The following TUSC3 variants were observed in gnomAD, a reference collection of about 807,000 sequenced individuals.
TUSC3 encodes dolichyl-diphosphooligosaccharide--protein glycosyltransferase subunit TUSC3.
Under a neutral mutation model 44.8 loss-of-function variants are expected in TUSC3, and 45 were observed. The ratio of observed to expected loss-of-function variants is 1.00; its 90% confidence interval spans 0.79 to 1.29. TUSC3 has a LOEUF of 1.29. Among genes scored for constraint, TUSC3 ranks in the 50% most tolerant of loss-of-function variants. TUSC3 has a pLI of 0.00. For missense variants in TUSC3, 519 were observed against 437.9 expected (o/e 1.19, Z -1.65); for synonymous variants, 212 against 152.9 (o/e 1.39, Z -2.85).
the TUSC3 span, among the ~76,000 whole-genome samples, chr8:15,850,337 C>A: frequency 6.6e-6 from 1 of 152,072 alleles, no homozygotes; most frequent in Non-Finnish European, 1.5e-5. Flanking sequence ...TAAATCTTCC[C>A]ATTTTAGGTT....
At chr8:15,541,663 C>T (rs376752462) in intron 1 of TUSC3, among the ~76,000 whole-genome samples, 9 of 152,140 alleles carry the variant, frequency 5.9e-5, no homozygotes, top group African/African-American at 2.2e-4. Context: ...GAAAGTAGGT[C>T]ATATGAAATT....
At chr8:15,681,595 T>C (rs1808434023) in intron 6 of TUSC3, among the ~76,000 whole-genome samples, 1 of 151,484 alleles carries the variant, frequency 6.6e-6, no homozygotes, top group South Asian at 2.1e-4. Context: ...AGTCTTTCGA[T>C]CTTGTTTATC....
chr8:15,693,441 CT>C (rs35915071), intron 6 of TUSC3, among the ~76,000 whole-genome samples: 11,312 of 96,634 alleles, frequency 0.12, 635 homozygotes, highest in East Asian at 0.22. Flanking sequence ...GTTGGAAGTT[CT>C]TTTTTTTTTT....
At chr8:15,599,382 T>C (rs888453074) in intron 1 of TUSC3, among the ~76,000 whole-genome samples, 4 of 151,786 alleles carry the variant, frequency 2.6e-5, no homozygotes, top group Admixed American at 2.6e-4. Flanking sequence ...GTGAGTCGTC[T>C]TCTTATTTCG....
At chr8:15,843,621 T>TATATATATATATATATATATATATACAC in the TUSC3 span, among the ~76,000 whole-genome samples, 7 of 146,766 alleles carry the variant, frequency 4.8e-5, no homozygotes, top group African/African-American at 1.8e-4. Context: ...TATATATATA[T>TATATATATATATATATATATATATACAC]ACACGCACAT....
At chr8:15,826,147 A>G in the TUSC3 span, among the ~76,000 whole-genome samples, 584 of 152,206 alleles carry the variant, frequency 3.8e-3, 4 homozygotes, top group African/African-American at 0.013. Flanking sequence ...TAGTTTAAAT[A>G]TAGAGTTCAT....
chr8:15,722,824 G>C (rs1244246980), intron 6 of TUSC3, among the ~76,000 whole-genome samples: 2 of 127,370 alleles, frequency 1.6e-5, no homozygotes, highest in African/African-American at 2.8e-5. Flanking sequence ...TAAAAAAACT[G>C]TTTAAATAAA....
chr8:15,536,381 C>T (rs957220916), upstream of TUSC3, among the ~76,000 whole-genome samples: 14 of 151,810 alleles, frequency 9.2e-5, no homozygotes, highest in Non-Finnish European at 1.8e-4. Context: ...GACACTTTAC[C>T]AAGAAAAGAA....
chr8:15,608,227 T>A (rs73193379), intron 1 of TUSC3, among the ~76,000 whole-genome samples: 28,515 of 152,118 alleles, frequency 0.19, 2,700 homozygotes, highest in South Asian at 0.27. Context: ...TTTGATTGAG[T>A]TCTTGGTTAT....
downstream of TUSC3, among the ~76,000 whole-genome samples, chr8:15,767,851 A>G (rs1812371473): frequency 6.6e-6 from 1 of 152,190 alleles, no homozygotes; most frequent in Non-Finnish European, 1.5e-5. Context: ...GTTGGGACAA[A>G]TAGACATACA....
intron 1 of TUSC3, among the ~76,000 whole-genome samples, chr8:15,585,045 A>G (rs990923837): frequency 1.3e-5 from 2 of 152,240 alleles, no homozygotes. Context: ...ATACTCTAAA[A>G]TAAGATTCTT....
intron 2 of TUSC3, among the ~76,000 whole-genome samples, chr8:15,513,843 CTT>C (rs1359985340): frequency 2.6e-5 from 4 of 152,192 alleles, no homozygotes; most frequent in African/African-American, 9.7e-5. Flanking sequence ...AGCTCCTTCT[CTT>C]TTCAGTCTAA....
intron 1 of TUSC3, among the ~76,000 whole-genome samples, chr8:15,468,188 G>C (rs372248265): frequency 1.3e-5 from 2 of 152,160 alleles, no homozygotes; most frequent in East Asian, 1.9e-4. Flanking sequence ...ATTTCGTTTG[G>C]TTGGTTGGTT....
intron 6 of TUSC3, among the ~76,000 whole-genome samples, chr8:15,715,193 C>A (rs1810008268): frequency 6.6e-6 from 1 of 151,958 alleles, no homozygotes; most frequent in Non-Finnish European, 1.5e-5. Flanking sequence ...GTACCAAACT[C>A]TATATATATT....
intron 6 of TUSC3, among the ~76,000 whole-genome samples, chr8:15,724,906 A>G (rs529139242): frequency 6.6e-6 from 1 of 152,294 alleles, no homozygotes; most frequent in Non-Finnish European, 1.5e-5. Context: ...GCTGCGGACA[A>G]GCTCTTGGTT....
chr8:15,650,342 T>C (rs1806834585), intron 2 of TUSC3, among the ~76,000 whole-genome samples: 3 of 152,220 alleles, frequency 2.0e-5, no homozygotes, highest in African/African-American at 7.2e-5. Flanking sequence ...AAAATGTTTT[T>C]ATTCCCTAGA....
chr8:15,598,001 A>G (rs891078070), intron 1 of TUSC3, among the ~76,000 whole-genome samples: 2 of 152,010 alleles, frequency 1.3e-5, no homozygotes, highest in Non-Finnish European at 2.9e-5. Context: ...TAGCGTTGAT[A>G]TTTTCAAATT....
the TUSC3 span, among the ~76,000 whole-genome samples, chr8:15,816,679 A>C: frequency 6.6e-5 from 10 of 152,188 alleles, no homozygotes; most frequent in African/African-American, 2.4e-4. Context: ...TTTTGTTTTT[A>C]GTACCTAGAA....
intron 1 of TUSC3, among the ~76,000 whole-genome samples, chr8:15,586,586 C>CTAGAGG (rs1411420347): frequency 6.6e-6 from 1 of 152,100 alleles, no homozygotes; most frequent in African/African-American, 2.4e-5. Flanking sequence ...AGATCAGGAG[C>CTAGAGG]GCTAGAGGTA....
Sources: allele counts gnomAD v4.1 joint callset (sites outside exome capture counted in the v4.1 genomes callset), GRCh38; gene constraint gnomAD v4.1.1; transcripts MANE v1.5; gene names NCBI Gene and HGNC (gene_info 2026-07-23, HGNC 2026-07-21).